Variants in PARP1 observed in about 807,000 individuals in gnomAD.
PARP1 encodes the protein poly [ADP-ribose] polymerase 1.
A neutral mutation model predicts 118.7 loss-of-function variants in PARP1; 44 were observed. That is an observed-to-expected ratio of 0.37 (90% CI 0.29 to 0.48). The LOEUF is 0.48. PARP1 is among the 20% of genes least tolerant of loss of function. The pLI is 0.99. For missense variants in PARP1, 1,100 were observed against 1,272.4 expected, an observed-to-expected ratio of 0.86 and a Z score of 2.06; for synonymous variants, 492 against 483.2, an observed-to-expected ratio of 1.02 and a Z score of -0.24.
intron 9 of PARP1, among the ~76,000 whole-genome samples, chr1:226,380,558 C>A (rs1320332882): frequency 1.3e-5 from 2 of 152,206 alleles, no homozygotes; most frequent in Non-Finnish European, 2.9e-5. Context: ...CATACTTGAA[C>A]CTTGAACTTC....
At chr1:226,372,331 C>T (rs1664401395) in intron 14 of PARP1, among the ~76,000 whole-genome samples, 1 of 152,208 alleles carries the variant, frequency 6.6e-6, no homozygotes, top group South Asian at 2.1e-4. Context: ...CGCCCCTGTC[C>T]CTTTTCTTCC....
intron 1 of PARP1, among the ~76,000 whole-genome samples, chr1:226,405,645 C>T (rs1041481514): frequency 6.6e-6 from 1 of 152,100 alleles, no homozygotes; most frequent in African/African-American, 2.4e-5. Context: ...TTCCTCCATC[C>T]GGCCTCCCCC....
In PARP1 at chr1:226,385,802, C is replaced by T. The variant is rs1664704980; in HGVS notation, c.835-122G>A. On this transcript the variant is annotated intron_variant, in intron 6 of 22. Transcript: ENST00000366794. ...CACTACAAAGAAGAGAGGCTTCTTGCTGTGGGCTTGCTATGGGGCTCTTAA... is the reference window on the plus strand; with the variant it reads ...CACTACAAAGAAGAGAGGCTTCTTGTTGTGGGCTTGCTATGGGGCTCTTAA... The T allele has an allele frequency of 1.3e-5, 12 of 916,180 alleles. No homozygotes were observed. In the East Asian group the frequency reaches 3.0e-4, roughly 23 times the overall value. The allele number at this position is 916,180 out of a possible 1,614,324, so 56.8% of individuals were successfully genotyped here.
chr1:226,361,664 T>C, intron 22 of PARP1, 123 bp from the exon 23 acceptor site: 1 of 768,824 alleles, frequency 1.3e-6, no homozygotes, highest in Non-Finnish European at 2.3e-6. Flanking sequence ...GGCCTCTTCA[T>C]GGGGCTGGGT....
rs1298883638 is a variant in PARP1 at position 226,369,986 on chromosome 1, A to C, written c.2154+448T>G. 1.9e-4 allele frequency among the ~76,000 whole-genome samples: 11 copies of C among 57,476 alleles called. No homozygotes were observed. In the South Asian group the frequency reaches 3.4e-3, roughly 18 times the overall value. 37.7% of individuals were successfully genotyped at this position (57,476 alleles called of 152,430 possible). A position where few individuals can be genotyped will look rare whatever the true frequency, so the allele number is the denominator to read the frequency against. ...AGAAAAAGAAAGAAAAATCCCACCAAAAAAAAAAAAAAAAAATCTCAGGAT... is the reference window on the plus strand; with the variant it reads ...AGAAAAAGAAAGAAAAATCCCACCACAAAAAAAAAAAAAAAATCTCAGGAT... On this transcript the variant is annotated intron_variant, in intron 15 of 22. Coordinates refer to ENST00000366794, the MANE Select transcript of PARP1 (RefSeq NM_001618.4).
At chr1:226,398,328 ACCAG>A (rs1287479334) in intron 2 of PARP1, among the ~76,000 whole-genome samples, 1 of 152,152 alleles carries the variant, frequency 6.6e-6, no homozygotes, top group Non-Finnish European at 1.5e-5. Flanking sequence ...AAAGAGCAAA[ACCAG>A]GAGTTTGAGA....
chr1:226,393,721 C>G (rs1664860783), intron 2 of PARP1, among the ~76,000 whole-genome samples: 1 of 152,140 alleles, frequency 6.6e-6, no homozygotes, highest in Non-Finnish European at 1.5e-5. Flanking sequence ...ACTAGAAAAA[C>G]TACAAGGGAA....
rs529046770 is a variant in PARP1, at chr1:226,371,949, G to A, written c.2071-1432C>T. ...AAACTCAGGCACAGCGCTGGACAGC[G>A]GGCTGGGAGCAGTGGCTCCACAGCT... On this transcript the variant is annotated intron_variant, in intron 14 of 22. Transcript: ENST00000366794. 2.6e-4 allele frequency among the ~76,000 whole-genome samples: 40 copies of A among 152,366 alleles called. No homozygotes were observed. The South Asian group carries it at 8.1e-3, about 31-fold the overall frequency.
chr1:226,404,239 G>A (rs1665093710), intron 1 of PARP1, among the ~76,000 whole-genome samples: 1 of 152,206 alleles, frequency 6.6e-6, no homozygotes, highest in African/African-American at 2.4e-5. Flanking sequence ...AAGGAAGGAT[G>A]GGGAAATTCC....
rs1261396745 is a variant in PARP1 at position 226,407,636 on chromosome 1, A to AAGGGTCGGCCGGGCCGCTCGGGAGG, written c.120+149_120+173dup. The stretch of plus-strand genomic sequence containing the variant: ...CTGCAACATCAGCAAAACCTTCCGG[A>AAGGGTCGGCCGGGCCGCTCGGGAGG]AGGGTCGGCCGGGCCGCTCGGGAGG... On this transcript the variant is annotated intron_variant, in intron 1 of 22. Coordinates refer to ENST00000366794, the MANE Select transcript of PARP1 (RefSeq NM_001618.4). 5.3e-5 allele frequency among the ~76,000 whole-genome samples: 8 copies of AAGGGTCGGCCGGGCCGCTCGGGAGG among 152,078 alleles called. No individual in the cohort carries two copies. In the East Asian group the frequency reaches 1.6e-3, roughly 30 times the overall value.
chr1:226,367,185 A>T, intron 17 of PARP1: 1 of 444,780 alleles, frequency 2.2e-6, no homozygotes. Flanking sequence ...CAAACAAACA[A>T]ACAAAAAAGA....
intron 1 of PARP1, among the ~76,000 whole-genome samples, 178 bp from the exon 2 acceptor site, chr1:226,402,557 G>A (rs1665059825): frequency 6.6e-6 from 1 of 152,238 alleles, no homozygotes; most frequent in Admixed American, 6.5e-5. Context: ...AAGAGCTGCA[G>A]CATCCTTCTC....
chr1:226,395,467 A>T (rs1289605721), intron 2 of PARP1, among the ~76,000 whole-genome samples: 1 of 152,034 alleles, frequency 6.6e-6, no homozygotes. Context: ...ATGTGGTGAA[A>T]CCTTGTCTCC....
rs550415056 is a variant in PARP1, at chr1:226,379,203, T to C, written c.1684A>G (p.Ile562Val). The C allele has an allele frequency of 3.7e-6, 6 of 1,614,114 alleles. No individual in the cohort carries two copies. The highest frequency in any genetic ancestry group is 2.2e-5 in the East Asian group (1 of 44,894). The change falls in exon 12 of 23, where the codon ATC becomes GTC. Residue 562 changes from isoleucine (I) to valine (V), a missense_variant. Ile to Val is a conservative substitution (Grantham distance 29). This residue lies in a region of PARP1 where 948 missense variants were observed against 1,031.8 expected (regional missense o/e 0.92). Transcript: ENST00000366794. Reference protein sequence around the residue: ...VFSATLGLVDIVKGTNSYYKL... With the variant: ...VFSATLGLVDVVKGTNSYYKL... ...TAGTAGGAGTTGGTTCCTTTAACGA[T>C]GTCCACCAGGCCAAGGGTGGCACTG...
chr1:226,388,534 C>T (rs2102739996), intron 5 of PARP1, 122 bp downstream of exon 5: 1 of 738,280 alleles, frequency 1.4e-6, no homozygotes, highest in East Asian at 2.6e-5. Flanking sequence ...TATTTAATAA[C>T]TGCCATCAAT....
chr1:226,399,195 C>T (rs1425924321), intron 2 of PARP1, among the ~76,000 whole-genome samples: 1 of 151,342 alleles, frequency 6.6e-6, no homozygotes, highest in African/African-American at 2.4e-5. Flanking sequence ...GTCTCGGCCT[C>T]CCGAGTAGCT....
intron 6 of PARP1, 56 bp from the exon 7 acceptor site, chr1:226,385,736 A>G: frequency 1.3e-6 from 2 of 1,481,826 alleles, no homozygotes; most frequent in South Asian, 2.3e-5. Flanking sequence ...AAAAAAGGAC[A>G]CTTACTAATG....
chr1:226,389,117 C>G (rs1472689403), intron 4 of PARP1, among the ~76,000 whole-genome samples: 1 of 151,922 alleles, frequency 6.6e-6, no homozygotes, highest in Non-Finnish European at 1.5e-5. Flanking sequence ...CTGGAAGGTT[C>G]TAGCCGGGAC....
intron 7 of PARP1, 124 bp downstream of exon 7, chr1:226,385,380 G>T: frequency 7.6e-6 from 6 of 790,040 alleles, no homozygotes; most frequent in South Asian, 7.1e-5. Flanking sequence ...ACAGGATGAC[G>T]CAGCTGTAAA....
Sources: allele counts gnomAD v4.1 joint callset (sites outside exome capture counted in the v4.1 genomes callset), GRCh38; gene constraint gnomAD v4.1.1; regional missense constraint gnomAD v4.1.1; transcripts MANE v1.5; gene names NCBI Gene and HGNC (gene_info 2026-07-23, HGNC 2026-07-21).